Variants in SLIT3 observed in about 807,000 individuals in gnomAD.
SLIT3 encodes the protein slit guidance ligand 3.
Under a neutral mutation model 184.0 loss-of-function variants are expected in SLIT3, and 68 were observed. That is an observed-to-expected ratio of 0.37 (90% CI 0.30 to 0.45). The LOEUF (loss-of-function observed/expected upper bound fraction) is 0.45. Ranked by LOEUF, SLIT3 falls within the 20% of genes least tolerant of loss-of-function variation. The pLI, the probability that SLIT3 is intolerant of heterozygous loss-of-function variation, is 1.00. For missense variants in SLIT3, 1,707 were observed against 2,026.0 expected, an observed-to-expected ratio of 0.84 and a Z score of 3.02; for synonymous variants, 831 against 828.6, an observed-to-expected ratio of 1.00 and a Z score of -0.05.
At position 169,199,117 on chromosome 5, in the gene SLIT3, G is replaced by A. The variant is rs933493584; in HGVS notation, c.342-5567C>T. 3.9e-5 allele frequency among the ~76,000 whole-genome samples: 6 copies of A among 152,118 alleles called. No individual in the cohort carries two copies. The East Asian group carries it at 1.2e-3, about 29-fold the overall frequency. ...GGAAGCAGGAAAACCAGTTAAAAGT[G>A]TTCTTGGGTAACTAGTGTCTCTGCA... On this transcript the variant is annotated intron_variant, in intron 3 of 35. Coordinates refer to ENST00000519560, the MANE Select transcript of SLIT3 (RefSeq NM_003062.4).
intron 4 of SLIT3, among the ~76,000 whole-genome samples, chr5:169,041,444 GGATTT>G (rs58831080): frequency 0.1 from 15,717 of 152,032 alleles, 1,057 homozygotes; most frequent in East Asian, 0.41. Flanking sequence ...CATCTATCAT[GGATTT>G]GATTTGAGAG....
intron 3 of SLIT3, among the ~76,000 whole-genome samples, chr5:169,218,867 C>T (rs1736739838): frequency 6.6e-6 from 1 of 152,196 alleles, no homozygotes; most frequent in African/African-American, 2.4e-5. Flanking sequence ...AAAAGGGATA[C>T]AACTGGTAAC....
intron 4 of SLIT3, among the ~76,000 whole-genome samples, chr5:169,125,376 C>T (rs925518854): frequency 6.6e-6 from 1 of 152,212 alleles, no homozygotes; most frequent in African/African-American, 2.4e-5. Flanking sequence ...CCTGTCTTAG[C>T]CACCTGCATG....
At chr5:168,683,866 G>C in intron 32 of SLIT3, 100 bp downstream of exon 32, 1 of 1,169,442 alleles carries the variant, frequency 8.6e-7, no homozygotes, top group Admixed American at 3.0e-5. Flanking sequence ...GGGGAGAAGG[G>C]ACACCCGAGT....
chr5:169,129,177 G>C (rs1426104234), intron 4 of SLIT3, among the ~76,000 whole-genome samples: 1 of 152,170 alleles, frequency 6.6e-6, no homozygotes. Flanking sequence ...TGCACCAGGA[G>C]AGCACGTGTG....
intron 4 of SLIT3, among the ~76,000 whole-genome samples, chr5:168,966,925 G>A (rs548393505): frequency 5.0e-4 from 76 of 152,070 alleles, no homozygotes; most frequent in Non-Finnish European, 8.5e-4. Flanking sequence ...AGCTCTTAAC[G>A]TGCACATAAC....
chr5:169,147,906 C>T (rs888585335), intron 4 of SLIT3, among the ~76,000 whole-genome samples: 3 of 152,198 alleles, frequency 2.0e-5, no homozygotes, highest in South Asian at 2.1e-4. Flanking sequence ...CCTTTTCCTC[C>T]GTCTTCTCTC....
At chr5:168,907,608 C>T (rs1382562278) in intron 4 of SLIT3, among the ~76,000 whole-genome samples, 1 of 152,024 alleles carries the variant, frequency 6.6e-6, no homozygotes, top group Non-Finnish European at 1.5e-5. Flanking sequence ...CTGTGTATTA[C>T]ATGTATGATA....
intron 4 of SLIT3, among the ~76,000 whole-genome samples, chr5:169,046,289 G>A (rs1269692481): frequency 6.6e-6 from 1 of 152,156 alleles, no homozygotes; most frequent in African/African-American, 2.4e-5. Context: ...CAGATGAAAG[G>A]CATGCATAGA....
chr5:168,952,529 A>C (rs1308024575), intron 4 of SLIT3, among the ~76,000 whole-genome samples: 2 of 38,064 alleles, frequency 5.3e-5, no homozygotes, highest in African/African-American at 1.5e-4. Flanking sequence ...GGAAAATGCC[A>C]AAAAAAAAAA....
intron 4 of SLIT3, among the ~76,000 whole-genome samples, chr5:169,112,083 A>T (rs1760431294): frequency 6.6e-6 from 1 of 152,226 alleles, no homozygotes; most frequent in African/African-American, 2.4e-5. Flanking sequence ...TATTCTGGTG[A>T]CTGCTGATGG....
At chr5:169,194,483 C>T (rs899647341) in intron 3 of SLIT3, among the ~76,000 whole-genome samples, 2 of 152,156 alleles carry the variant, frequency 1.3e-5, no homozygotes, top group East Asian at 3.9e-4. Context: ...CCTTTGTGGG[C>T]TGCTTTCTAC....
intron 3 of SLIT3, among the ~76,000 whole-genome samples, chr5:169,237,039 G>A (rs1010608157): frequency 2.0e-5 from 3 of 152,090 alleles, no homozygotes; most frequent in Non-Finnish European, 4.4e-5. Flanking sequence ...TCTCAGAACT[G>A]TTAACCCATA....
intron 3 of SLIT3, among the ~76,000 whole-genome samples, chr5:169,200,035 G>T (rs749217): frequency 3.3e-5 from 5 of 152,144 alleles, no homozygotes; most frequent in Middle Eastern, 3.2e-3. Context: ...GGCTCCCAGA[G>T]GGCCTGCCTA....
chr5:168,941,794 T>A (rs1435484949), intron 4 of SLIT3, among the ~76,000 whole-genome samples: 1 of 152,204 alleles, frequency 6.6e-6, no homozygotes, highest in Non-Finnish European at 1.5e-5. Flanking sequence ...TGAACATAAC[T>A]TTCCTGGTCT....
chr5:168,673,042 A>G, intron 33 of SLIT3, 135 bp downstream of exon 33: 1 of 802,194 alleles, frequency 1.2e-6, no homozygotes, highest in Admixed American at 2.3e-5. Context: ...GTGCTTATTC[A>G]CCTTTTAGAG....
rs997280594 is a variant in SLIT3 at position 169,094,184 on chromosome 5, T to A, written c.413+99295A>T. Among the ~76,000 whole-genome samples, 6 of 152,362 alleles carry A rather than the reference T, an allele frequency of 3.9e-5. No homozygotes were observed. In the South Asian group the frequency reaches 1.2e-3, roughly 32 times the overall value. On this transcript the variant is annotated intron_variant, in intron 4 of 35. Transcript: ENST00000519560. ...TGCACCCTGTATTCTTTTTGTTAAT[T>A]TAACTTAATATTTGTAAGATCCCAA...
intron 12 of SLIT3, among the ~76,000 whole-genome samples, chr5:168,776,858 G>T (rs1375009158): frequency 7.9e-5 from 12 of 152,024 alleles, no homozygotes; most frequent in Non-Finnish European, 1.5e-4. Flanking sequence ...TACACACATG[G>T]TGAGTGTTTT....
chr5:168,852,595 T>G (rs1323650027), intron 5 of SLIT3, among the ~76,000 whole-genome samples: 2 of 152,226 alleles, frequency 1.3e-5, no homozygotes, highest in African/African-American at 4.8e-5. Flanking sequence ...ATCATCTCCT[T>G]CAGCCTCGAG....
Sources: gnomAD v4.1 joint callset for allele counts (sites outside exome capture counted in the v4.1 genomes callset) on GRCh38, gnomAD v4.1.1 for gene constraint, MANE v1.5 for transcripts, NCBI Gene and HGNC (gene_info 2026-07-23, HGNC 2026-07-21) for gene names.